Variants in MYO1H observed in about 807,000 individuals in gnomAD.
MYO1H encodes the protein myosin IH.
In MYO1H, 118 loss-of-function variants were observed where a neutral mutation model predicts 149.3. The ratio of observed to expected loss-of-function variants is 0.79; its 90% CI spans 0.68 to 0.92. The LOEUF (loss-of-function observed/expected upper bound fraction) is 0.92, where lower values mean the gene tolerates loss of function less well. Ranked by LOEUF, MYO1H falls within the 40% of genes least tolerant of loss-of-function variation. The pLI is 0.00. For missense variants in MYO1H, 1,212 were observed against 1,280.7 expected (o/e 0.95, Z 0.82); for synonymous variants, 447 against 465.2 (o/e 0.96, Z 0.50).
At chr12:109,355,694 T>G (rs1183263395) in intron 1 of MYO1H, among the ~76,000 whole-genome samples, 2 of 151,792 alleles carry the variant, frequency 1.3e-5, no homozygotes, top group Non-Finnish European at 2.9e-5. Context: ...TTGTTTTGTT[T>G]GGTTTGGTTT....
At chr12:109,387,414 T>G (rs1190834372) in intron 1 of MYO1H, among the ~76,000 whole-genome samples, 1 of 152,218 alleles carries the variant, frequency 6.6e-6, no homozygotes, top group African/African-American at 2.4e-5. Flanking sequence ...TGCTAGGACC[T>G]TTGCATATCC....
rs1871406901 is a variant in MYO1H, at chr12:109,427,588, T to C, written c.1949+2T>C. 1 of 1,595,044 alleles carries C rather than the reference T, an allele frequency of 6.3e-7. No homozygotes were observed. Among genetic ancestry groups the C allele is most frequent in the Non-Finnish European group, 8.6e-7 (1 of 1,163,272 alleles). The stretch of plus-strand genomic sequence containing the variant: ...GAAATACGAGCATTTCTTGCAAAGG[T>C]AAAATGTGCTTTATTGATCTGAAGC... On this transcript the variant is annotated splice_donor_variant, in intron 19 of 31. Transcript: ENST00000310903. LOFTEE classifies it high-confidence loss of function.
At chr12:109,400,133 CT>C (rs1422047086) in intron 5 of MYO1H, among the ~76,000 whole-genome samples, 1 of 152,184 alleles carries the variant, frequency 6.6e-6, no homozygotes, top group Non-Finnish European at 1.5e-5. Context: ...CAGTTGTTCA[CT>C]TTTTGATTAT....
In MYO1H at chr12:109,443,292, A is replaced by ATATGTGTACGTATG. The variant is rs1566045365; in HGVS notation, c.2689-221_2689-220insATGTGTACGTATGT. Among the ~76,000 whole-genome samples, 6 of 120,040 alleles carry ATATGTGTACGTATG rather than the reference A, an allele frequency of 5.0e-5. 1 individual carries two copies. Among genetic ancestry groups the ATATGTGTACGTATG allele is most frequent in the Non-Finnish European group, 5.7e-5 (3 of 53,068 alleles). The allele number at this position is 120,040 out of a possible 152,430, so 78.8% of individuals were successfully genotyped here. Reference sequence around the variant, plus strand: ...TGTGTGTGTATATGTGTACGTATATATGTGTGTATATATGTGTACGTATAT... The same window carrying ATATGTGTACGTATG: ...TGTGTGTGTATATGTGTACGTATATATATGTGTACGTATGTGTGTGTATATATGTGTACGTATAT... On this transcript the variant is annotated intron_variant, in intron 27 of 31. Transcript: ENST00000310903.
chr12:109,430,289 C>T (rs1196180073), intron 19 of MYO1H, among the ~76,000 whole-genome samples: 1 of 152,192 alleles, frequency 6.6e-6, no homozygotes, highest in Non-Finnish European at 1.5e-5. Context: ...AAACCCCGTG[C>T]ACCTGCCTGG....
exon 32 of MYO1H, chr12:109,447,955 G>A (rs1020892866): frequency 6.6e-6 from 1 of 152,206 alleles, no homozygotes; most frequent in Admixed American, 6.5e-5. Context: ...AGCGTGTAGC[G>A]AGCCTGCCAC....
At chr12:109,327,122 C>CTTTTT in the MYO1H span, among the ~76,000 whole-genome samples, 1,249 of 111,004 alleles carry the variant, frequency 0.011, 150 homozygotes, top group East Asian at 0.022. Flanking sequence ...TTTTCTTTTT[C>CTTTTT]TTTTTCTTTT....
chr12:109,444,824 C>T (rs1166195203), intron 30 of MYO1H, among the ~76,000 whole-genome samples: 4 of 151,278 alleles, frequency 2.6e-5, no homozygotes, highest in Non-Finnish European at 5.9e-5. Context: ...GCCAAGATCA[C>T]ACCACTGCAC....
chr12:109,369,349 C>T (rs919041856), intron 1 of MYO1H, among the ~76,000 whole-genome samples: 3 of 152,136 alleles, frequency 2.0e-5, no homozygotes, highest in Non-Finnish European at 4.4e-5. Flanking sequence ...AAGCAAAATA[C>T]AGCATGCTGC....
At chr12:109,321,702 A>G in the MYO1H span, among the ~76,000 whole-genome samples, 1 of 152,240 alleles carries the variant, frequency 6.6e-6, no homozygotes, top group Non-Finnish European at 1.5e-5. Context: ...CTCATCAAAA[A>G]ATCAGATTAA....
chr12:109,428,000 C>A (rs1331826467), intron 19 of MYO1H, among the ~76,000 whole-genome samples: 1 of 135,862 alleles, frequency 7.4e-6, no homozygotes, highest in Non-Finnish European at 1.6e-5. Flanking sequence ...GTGGGAGGAT[C>A]ACCTGAGCCT....
intron 20 of MYO1H, among the ~76,000 whole-genome samples, chr12:109,433,445 T>G (rs527789356): frequency 2.0e-5 from 3 of 152,334 alleles, no homozygotes; most frequent in African/African-American, 7.2e-5. Context: ...TAGTTATCCA[T>G]GAGCAGAGAC....
exon 10 of MYO1H, chr12:109,407,864 G>T: frequency 6.2e-7 from 1 of 1,613,964 alleles, no homozygotes; most frequent in Non-Finnish European, 8.5e-7. Flanking sequence ...GTTTATGGAC[G>T]AACGTTTACT....
At chr12:109,397,016 C>T (rs899129662) in intron 4 of MYO1H, among the ~76,000 whole-genome samples, 18 of 151,198 alleles carry the variant, frequency 1.2e-4, no homozygotes, top group African/African-American at 2.2e-4. Context: ...TTAGTAGAGA[C>T]GGGGTTTCGC....
At chr12:109,416,394 A>C (rs1870914211) in intron 15 of MYO1H, among the ~76,000 whole-genome samples, 1 of 104,088 alleles carries the variant, frequency 9.6e-6, no homozygotes, top group African/African-American at 4.7e-5. Context: ...TTTTTTTTTG[A>C]CATTTTTTAT....
chr12:109,370,334 G>A (rs1868955459), intron 1 of MYO1H, among the ~76,000 whole-genome samples: 1 of 152,182 alleles, frequency 6.6e-6, no homozygotes, highest in Admixed American at 6.5e-5. Context: ...ATGTAGGTGG[G>A]AAGGTAGTTC....
At chr12:109,443,120 G>GTGTACATATGTGTGTATA (rs1872266580) in intron 27 of MYO1H, among the ~76,000 whole-genome samples, 1 of 88,270 alleles carries the variant, frequency 1.1e-5, no homozygotes, top group African/African-American at 4.8e-5. Flanking sequence ...GTGTGTATAT[G>GTGTACATATGTGTGTATA]TGTACGTATA....
At chr12:109,338,901 A>G in the MYO1H span, among the ~76,000 whole-genome samples, 2 of 151,782 alleles carry the variant, frequency 1.3e-5, no homozygotes, top group Admixed American at 1.3e-4. Context: ...AAGTGAATTG[A>G]TAAAGTCTTG....
At chr12:109,325,748 A>C in the MYO1H span, among the ~76,000 whole-genome samples, 1 of 152,168 alleles carries the variant, frequency 6.6e-6, no homozygotes, top group Admixed American at 6.5e-5. Context: ...ACCCATCAAA[A>C]AGTGGGCAAA....
Sources: allele counts gnomAD v4.1 joint callset (sites outside exome capture counted in the v4.1 genomes callset), GRCh38; gene constraint gnomAD v4.1.1; transcripts MANE v1.5; gene names NCBI Gene and HGNC (gene_info 2026-07-23, HGNC 2026-07-21).